Variants in HYAL4 observed in about 807,000 individuals in gnomAD.
HYAL4 encodes the protein hyaluronidase 4, also known as hyaluronidase-4.
A neutral mutation model predicts 35.2 loss-of-function variants in HYAL4; 37 were observed. The observed-to-expected ratio is 1.05, with a 90% CI of 0.81 to 1.38. The LOEUF is 1.38. Ranked by LOEUF, HYAL4 falls within the 40% of genes most tolerant of loss-of-function variation. HYAL4 has a pLI of 0.00. For synonymous variants in HYAL4, 198 were observed against 203.2 expected (o/e 0.97, Z 0.22); for missense variants, 572 against 572.4 (o/e 1.00, Z 0.01).
the HYAL4 span, among the ~76,000 whole-genome samples, chr7:123,793,408 C>T: frequency 1.3e-5 from 2 of 152,190 alleles, no homozygotes; most frequent in African/African-American, 4.8e-5. Context: ...TATAGAACAT[C>T]TCAGGACTTG....
At chr7:123,864,410 C>G (rs1051655447) in intron 2 of HYAL4, among the ~76,000 whole-genome samples, 6 of 152,172 alleles carry the variant, frequency 3.9e-5, no homozygotes, top group Admixed American at 1.3e-4. Context: ...ATTCCTCATT[C>G]ACTTCTACCT....
chr7:123,840,766 A>C (rs976403661), upstream of HYAL4, among the ~76,000 whole-genome samples: 3 of 151,892 alleles, frequency 2.0e-5, no homozygotes, highest in Non-Finnish European at 2.9e-5. Context: ...ATGGGAGTTC[A>C]CTCATGATTT....
At chr7:123,875,221 G>A (rs1806979842) in intron 4 of HYAL4, among the ~76,000 whole-genome samples, 1 of 152,194 alleles carries the variant, frequency 6.6e-6, no homozygotes, top group Non-Finnish European at 1.5e-5. Flanking sequence ...ATTAGCCACA[G>A]TTTGATGATG....
At chr7:123,846,509 C>T (rs905242750) in intron 1 of HYAL4, among the ~76,000 whole-genome samples, 13 of 152,092 alleles carry the variant, frequency 8.5e-5, no homozygotes, top group Admixed American at 8.5e-4. Flanking sequence ...TCTCAAACAG[C>T]ACCGAGTCTG....
intron 1 of HYAL4, among the ~76,000 whole-genome samples, chr7:123,839,685 T>A (rs1312821754): frequency 6.6e-6 from 1 of 152,220 alleles, no homozygotes; most frequent in Non-Finnish European, 1.5e-5. Context: ...TTCTAACTGG[T>A]GTGAGATGGT....
At chr7:123,783,053 G>A in the HYAL4 span, among the ~76,000 whole-genome samples, 5 of 151,768 alleles carry the variant, frequency 3.3e-5, no homozygotes, top group Non-Finnish European at 7.4e-5. Context: ...AGTCAAAAGC[G>A]TTTGACTTTT....
At chr7:123,796,026 C>G in the HYAL4 span, among the ~76,000 whole-genome samples, 5 of 152,190 alleles carry the variant, frequency 3.3e-5, no homozygotes, top group African/African-American at 4.8e-5. Context: ...AAACCTTCCT[C>G]AGGGTTTATG....
intron 3 of HYAL4, among the ~76,000 whole-genome samples, chr7:123,869,833 G>GCCCCCCCCCCCCCC (rs201841344): frequency 7.5e-6 from 1 of 134,146 alleles, no homozygotes; most frequent in African/African-American, 2.8e-5. Context: ...GTTTACAGGT[G>GCCCCCCCCCCCCCC]CTCACCCCCC....
chr7:123,827,464 C>A (rs1397461755), upstream of HYAL4, among the ~76,000 whole-genome samples: 1 of 151,874 alleles, frequency 6.6e-6, no homozygotes, highest in Non-Finnish European at 1.5e-5. Flanking sequence ...TCCCAACTGC[C>A]CTTTTCCCCT....
At chr7:123,784,029 T>C in the HYAL4 span, among the ~76,000 whole-genome samples, 1 of 152,228 alleles carries the variant, frequency 6.6e-6, no homozygotes, top group East Asian at 1.9e-4. Context: ...TTAGTCACTG[T>C]GTACATGCGT....
upstream of HYAL4, among the ~76,000 whole-genome samples, chr7:123,843,598 A>G (rs1012986430): frequency 1.1e-4 from 17 of 151,996 alleles, no homozygotes; most frequent in Non-Finnish European, 7.4e-5. Context: ...CTGTTTTCCA[A>G]CTTGGTTCCA....
At chr7:123,798,685 A>G in the HYAL4 span, among the ~76,000 whole-genome samples, 1 of 152,192 alleles carries the variant, frequency 6.6e-6, no homozygotes. Flanking sequence ...TGGATAGGAC[A>G]AGTTCTGACT....
upstream of HYAL4, among the ~76,000 whole-genome samples, chr7:123,843,221 T>C (rs1222125024): frequency 6.6e-6 from 1 of 152,064 alleles, no homozygotes; most frequent in Admixed American, 6.6e-5. Context: ...CAGCATTTGC[T>C]TGTCTGTAAA....
In HYAL4 at chr7:123,863,079, C is replaced by T. The variant is rs1242623635; in HGVS notation, c.-51-5144C>T. Among the ~76,000 whole-genome samples, 10 of 152,320 alleles carry T rather than the reference C, an allele frequency of 6.6e-5. No individual in the cohort carries two copies. The East Asian group carries it at 7.7e-4, about 12-fold the overall frequency. ...CCTCTTATCCTTGGGATCAGTGAGG[C>T]TTGTTACCATCTAGGAACAAATCCT... On this transcript the variant is annotated intron_variant, in intron 2 of 4. Coordinates refer to ENST00000223026, the MANE Select transcript of HYAL4 (RefSeq NM_012269.3).
chr7:123,776,351 T>C, the HYAL4 span, among the ~76,000 whole-genome samples: 1 of 152,212 alleles, frequency 6.6e-6, no homozygotes, highest in Non-Finnish European at 1.5e-5. Flanking sequence ...TGTCTCTTTC[T>C]TGATCTTGTA....
chr7:123,811,786 T>C, the HYAL4 span, among the ~76,000 whole-genome samples: 2 of 152,138 alleles, frequency 1.3e-5, no homozygotes, highest in African/African-American at 2.4e-5. Context: ...TATATTATTT[T>C]CTAGGAGTTT....
At chr7:123,797,197 TGG>T in the HYAL4 span, among the ~76,000 whole-genome samples, 1 of 152,212 alleles carries the variant, frequency 6.6e-6, no homozygotes, top group Non-Finnish European at 1.5e-5. Flanking sequence ...CAATCGTAAA[TGG>T]ATGAGTAACA....
the HYAL4 span, among the ~76,000 whole-genome samples, chr7:123,790,073 T>A: frequency 1.2e-4 from 18 of 152,298 alleles, no homozygotes; most frequent in African/African-American, 4.1e-4. Context: ...ATTTCTTCTT[T>A]GAGGCGGGGG....
intron 2 of HYAL4, among the ~76,000 whole-genome samples, chr7:123,852,886 A>G (rs1225448797): frequency 6.6e-6 from 1 of 152,052 alleles, no homozygotes; most frequent in Non-Finnish European, 1.5e-5. Context: ...ATATTTTTCC[A>G]TTTGTTTGTG....
Sources: allele counts gnomAD v4.1 joint callset (sites outside exome capture counted in the v4.1 genomes callset), GRCh38; gene constraint gnomAD v4.1.1; transcripts MANE v1.5; gene names NCBI Gene and HGNC (gene_info 2026-07-23, HGNC 2026-07-21).